Variants in UBE2E2 observed in about 807,000 individuals in gnomAD.
UBE2E2 encodes ubiquitin conjugating enzyme E2 E2.
Under a neutral mutation model 24.7 loss-of-function variants are expected in UBE2E2, and 6 were observed. The ratio of observed to expected loss-of-function variants is 0.24; its 90% CI spans 0.13 to 0.48. The LOEUF is 0.48. Ranked by LOEUF, UBE2E2 falls within the 20% of genes least tolerant of loss-of-function variation. The pLI is 0.99. For missense variants in UBE2E2, 169 were observed against 245.0 expected (o/e 0.69, Z 2.07); for synonymous variants, 104 against 83.6 (o/e 1.24, Z -1.33).
chr3:23,373,741 C>A (rs1401368546), intron 3 of UBE2E2, among the ~76,000 whole-genome samples: 1 of 152,036 alleles, frequency 6.6e-6, no homozygotes, highest in Non-Finnish European at 1.5e-5. Flanking sequence ...ATGTATGTCA[C>A]CATCCTGGCA....
chr3:23,400,610 A>ACACACACACACACACACACACACATACT (rs1559372805), intron 3 of UBE2E2, among the ~76,000 whole-genome samples: 19 of 100,202 alleles, frequency 1.9e-4, no homozygotes, highest in South Asian at 3.5e-4. Flanking sequence ...TAAATGAAAC[A>ACACACACACACACACACACACACATACT]CACACACACA....
intron 3 of UBE2E2, among the ~76,000 whole-genome samples, chr3:23,360,315 G>T (rs1696078075): frequency 6.6e-6 from 1 of 152,076 alleles, no homozygotes; most frequent in African/African-American, 2.4e-5. Flanking sequence ...AAAAAAAAGT[G>T]AGTCCTTTCT....
chr3:23,523,156 A>G (rs1219152075), intron 4 of UBE2E2, among the ~76,000 whole-genome samples: 3 of 152,260 alleles, frequency 2.0e-5, no homozygotes, highest in Admixed American at 6.5e-5. Context: ...GAAACATTCT[A>G]TATAAACTGA....
At chr3:23,493,844 A>C (rs1035512143) in intron 3 of UBE2E2, among the ~76,000 whole-genome samples, 14 of 152,086 alleles carry the variant, frequency 9.2e-5, no homozygotes, top group East Asian at 3.9e-4. Flanking sequence ...AAAGCAGTCA[A>C]CCTCTTTGAG....
chr3:23,303,492 G>A (rs533245892), intron 3 of UBE2E2, among the ~76,000 whole-genome samples: 9 of 152,208 alleles, frequency 5.9e-5, no homozygotes, highest in African/African-American at 7.2e-5. Flanking sequence ...TTCAGACAAG[G>A]AAGGATGTAC....
intron 3 of UBE2E2, among the ~76,000 whole-genome samples, chr3:23,226,087 C>T (rs1045301475): frequency 6.6e-6 from 1 of 152,126 alleles, no homozygotes; most frequent in African/African-American, 2.4e-5. Context: ...CCATGTTGGC[C>T]AGACTGGTCT....
Position 23,340,261 on chromosome 3 carries a change from GCA to G in UBE2E2, c.227+122952_227+122953del, listed in dbSNP as rs752440380. On this transcript the variant is annotated intron_variant, in intron 3 of 5. Transcript: ENST00000396703. ...TGTTTGATAATCATGTTTTCAGAAT[GCA>G]CAGTTTTTAACATTTATTTACATTA... Among the ~76,000 whole-genome samples, 4 of 152,158 alleles carry G rather than the reference GCA, an allele frequency of 2.6e-5. No individual in the cohort carries two copies. The East Asian group carries it at 5.8e-4, about 22-fold the overall frequency.
intron 3 of UBE2E2, among the ~76,000 whole-genome samples, chr3:23,298,129 A>G (rs552323686): frequency 6.6e-6 from 1 of 152,172 alleles, no homozygotes; most frequent in African/African-American, 2.4e-5. Context: ...ATTTTTGTAC[A>G]TTGAATTTGT....
At chr3:23,454,553 G>C (rs1014650133) in intron 3 of UBE2E2, among the ~76,000 whole-genome samples, 1 of 152,196 alleles carries the variant, frequency 6.6e-6, no homozygotes, top group Non-Finnish European at 1.5e-5. Context: ...AAAGCTAAGA[G>C]AAGTTTTGCT....
chr3:23,519,478 A>C (rs1181189263), intron 4 of UBE2E2, among the ~76,000 whole-genome samples: 1 of 152,194 alleles, frequency 6.6e-6, no homozygotes, highest in Non-Finnish European at 1.5e-5. Context: ...AGTTAACTAC[A>C]TCTATTCTGC....
At chr3:23,476,620 C>G (rs11711549) in intron 3 of UBE2E2, among the ~76,000 whole-genome samples, 2,500 of 152,198 alleles carry the variant, frequency 0.016, 27 homozygotes, top group Non-Finnish European at 0.023. Context: ...GAGCCCAGAT[C>G]AAGGCTGCAG....
chr3:23,203,500 C>G, intron 1 of UBE2E2, 36 bp downstream of exon 1: 1 of 978,210 alleles, frequency 1.0e-6, no homozygotes, highest in Non-Finnish European at 1.2e-6. Context: ...CTCCCCTCCT[C>G]GGGCGTCCTC....
At chr3:23,263,991 T>A (rs1169724728) in intron 3 of UBE2E2, among the ~76,000 whole-genome samples, 1 of 152,180 alleles carries the variant, frequency 6.6e-6, no homozygotes, top group African/African-American at 2.4e-5. Flanking sequence ...TGGTGACTAA[T>A]AATAATAACA....
intron 3 of UBE2E2, among the ~76,000 whole-genome samples, chr3:23,425,406 G>A (rs1697902737): frequency 6.6e-6 from 1 of 152,090 alleles, no homozygotes; most frequent in Non-Finnish European, 1.5e-5. Context: ...TCTGAAATTT[G>A]TTAATTTAAA....
intron 3 of UBE2E2, among the ~76,000 whole-genome samples, chr3:23,471,162 G>A (rs1328893675): frequency 6.6e-6 from 1 of 152,098 alleles, no homozygotes; most frequent in South Asian, 2.1e-4. Context: ...TTCATTAGAA[G>A]GACAGCCCCA....
Position 23,407,687 on chromosome 3 carries a change from G to GTGTGTGTGTGTGTGTGTGTGTA in UBE2E2, c.228-91918_228-91917insGTGTGTGTGTGTGTGTGTATGT. Among the ~76,000 whole-genome samples, 1 of 143,304 alleles carries GTGTGTGTGTGTGTGTGTGTGTA rather than the reference G, an allele frequency of 7.0e-6. No individual in the cohort carries two copies. The highest frequency in any genetic ancestry group is 2.6e-5 in the African/African-American group (1 of 37,970). The allele number at this position is 143,304 out of a possible 152,430, so 94.0% of individuals were successfully genotyped here. A position where few individuals can be genotyped will look rare whatever the true frequency, so the allele number is the denominator to read the frequency against. On this transcript the variant is annotated intron_variant, in intron 3 of 5. Transcript: ENST00000396703. The surrounding 1 kb of genome is among the most constrained non-coding windows in gnomAD (Gnocchi z 4.0). ...TGTGTGTGTGTGTGTGTGTGTGTGT[G>GTGTGTGTGTGTGTGTGTGTGTA]TGTAGTATTTCAGAGAAAATCCCAG...
chr3:23,535,848 C>T (rs944978880), intron 5 of UBE2E2, among the ~76,000 whole-genome samples: 11 of 152,104 alleles, frequency 7.2e-5, no homozygotes, highest in Non-Finnish European at 1.6e-4. Context: ...GTCTCAATCT[C>T]CTGACCTCGT....
At chr3:23,520,367 A>T (rs953888474) in intron 4 of UBE2E2, among the ~76,000 whole-genome samples, 8 of 152,196 alleles carry the variant, frequency 5.3e-5, no homozygotes, top group African/African-American at 1.9e-4. Flanking sequence ...ATTGGTAGCT[A>T]TTTTAATTAT....
chr3:23,355,018 G>C (rs1315059046), intron 3 of UBE2E2, among the ~76,000 whole-genome samples: 1 of 151,770 alleles, frequency 6.6e-6, no homozygotes, highest in Non-Finnish European at 1.5e-5. Context: ...AGAAAATGTG[G>C]CACATATACA....
Sources: gnomAD v4.1 joint callset for allele counts (sites outside exome capture counted in the v4.1 genomes callset) on GRCh38, gnomAD v4.1.1 for gene constraint, Gnocchi (gnomAD v3.1) non-coding constraint, MANE v1.5 for transcripts, NCBI Gene and HGNC (gene_info 2026-07-23, HGNC 2026-07-21) for gene names.